WASL: variants seen among roughly 807,000 people sequenced by gnomAD.
The protein encoded by WASL is WASP like actin nucleation promoting factor, also known as actin nucleation-promoting factor WASL.
WASL carries 20 observed loss-of-function variants against 55.5 expected under a neutral mutation model. The observed-to-expected ratio is 0.36, with a 90% CI of 0.25 to 0.52. The LOEUF (loss-of-function observed/expected upper bound fraction) is 0.52. Among genes scored for constraint, WASL ranks in the 20% least tolerant of loss-of-function variants. The probability of loss-of-function intolerance (pLI) is 0.92; values close to 1 mark genes in which losing one functional copy is unlikely to be tolerated. For synonymous variants in WASL, 249 were observed against 217.6 expected (o/e 1.14, Z -1.27); for missense variants, 504 against 622.5 (o/e 0.81, Z 2.03).
At chr7:123,692,153 A>C (rs1310766282) in intron 9 of WASL, among the ~76,000 whole-genome samples, 194 bp downstream of exon 9, 2 of 152,214 alleles carry the variant, frequency 1.3e-5, no homozygotes, top group Non-Finnish European at 2.9e-5. Flanking sequence ...TTACATGGCT[A>C]TAGAGATGTA....
At chr7:123,719,319 T>C (rs1297043593) in intron 1 of WASL, among the ~76,000 whole-genome samples, 1 of 152,214 alleles carries the variant, frequency 6.6e-6, no homozygotes, top group Non-Finnish European at 1.5e-5. Flanking sequence ...ACCTCTCTCA[T>C]ATCCTGATCC....
intron 1 of WASL, among the ~76,000 whole-genome samples, chr7:123,714,944 A>C (rs1290482413): frequency 6.6e-6 from 1 of 152,174 alleles, no homozygotes; most frequent in Non-Finnish European, 1.5e-5. Flanking sequence ...ACTCATCAAA[A>C]AGACCCTACC....
chr7:123,708,258 T>C (rs186969186), intron 2 of WASL, among the ~76,000 whole-genome samples: 1 of 152,134 alleles, frequency 6.6e-6, no homozygotes, highest in Non-Finnish European at 1.5e-5. Flanking sequence ...CTCAGTGAAA[T>C]ACCTCATAAC....
chr7:123,746,412 A>G (rs1298365244), intron 1 of WASL, among the ~76,000 whole-genome samples: 1 of 152,228 alleles, frequency 6.6e-6, no homozygotes, highest in African/African-American at 2.4e-5. Flanking sequence ...TCTGACCTGT[A>G]AATCTTACTG....
intron 1 of WASL, among the ~76,000 whole-genome samples, chr7:123,713,377 T>C (rs146557279): frequency 6.6e-5 from 10 of 152,208 alleles, no homozygotes; most frequent in African/African-American, 2.4e-4. Context: ...GGTCTCAAAC[T>C]CCTGACCTCA....
chr7:123,704,713 A>G, intron 4 of WASL, 56 bp from the exon 5 acceptor site: 1 of 1,197,182 alleles, frequency 8.4e-7, no homozygotes, highest in Admixed American at 2.6e-5. Context: ...CAACATCAAC[A>G]TAAAAAAATT....
chr7:123,702,978 T>G (rs1803615251), intron 5 of WASL, among the ~76,000 whole-genome samples: 1 of 152,222 alleles, frequency 6.6e-6, no homozygotes, highest in Non-Finnish European at 1.5e-5. Flanking sequence ...TCTCTGTTGG[T>G]ACTCAATACT....
In WASL at chr7:123,695,836, T is replaced by C; in HGVS notation, c.659A>G (p.Asn220Ser). Reference protein sequence around the residue: ...QHIGHVGWDPNTGFDLNNLDP... With the variant: ...QHIGHVGWDPSTGFDLNNLDP... ...AAACATACTTACATCAAAGCCTGTA[T>C]TTGGATCCCAACCAACATGTCCAAT... Residue 220 changes from asparagine to serine, a missense_variant, in exon 7 of 11, where the codon AAT becomes AGT. Around this residue, in one of 5 missense-constraint regions of WASL, gnomAD observed 230 missense variants for 271.9 expected, o/e 0.85. Coordinates refer to ENST00000223023, the MANE Select transcript of WASL (RefSeq NM_003941.4). 6.2e-7 allele frequency: 1 copy of C among 1,612,812 alleles called. No homozygotes were observed. Among genetic ancestry groups the C allele is most frequent in the Non-Finnish European group, 8.5e-7 (1 of 1,179,134 alleles).
intron 5 of WASL, among the ~76,000 whole-genome samples, chr7:123,702,718 A>C (rs1259951826): frequency 6.6e-6 from 1 of 152,218 alleles, no homozygotes; most frequent in Non-Finnish European, 1.5e-5. Context: ...CGTATTAGGT[A>C]TTATGAGTAC....
chr7:123,716,171 G>T (rs1803836641), intron 1 of WASL, among the ~76,000 whole-genome samples: 1 of 152,074 alleles, frequency 6.6e-6, no homozygotes, highest in Non-Finnish European at 1.5e-5. Context: ...AAGTTGGAAA[G>T]GGGGTACCCT....
chr7:123,739,837 C>G (rs1804299999), intron 1 of WASL, among the ~76,000 whole-genome samples: 1 of 151,536 alleles, frequency 6.6e-6, no homozygotes, highest in Admixed American at 6.6e-5. Context: ...ATATACCTAT[C>G]TCTCCTCTCT....
At chr7:123,704,719 A>C in intron 4 of WASL, 62 bp from the exon 5 acceptor site, 2 of 1,134,056 alleles carry the variant, frequency 1.8e-6, no homozygotes, top group Non-Finnish European at 2.4e-6. Flanking sequence ...CAACATAAAA[A>C]AATTAATTCA....
Position 123,683,682 on chromosome 7 carries a change from A to T in WASL, c.*837T>A, listed in dbSNP as rs1036004547. ...TTAACCAAATATTGGAGTTACCATA[A>T]TATTACCTCAGTTCATGTAGAATGA... On this transcript the variant is annotated 3_prime_UTR_variant, in exon 11 of 11. Transcript: ENST00000223023. 6.6e-6 allele frequency: 1 copy of T among 151,966 alleles called. No homozygotes were observed. The highest frequency in any genetic ancestry group is 6.6e-5 in the Admixed American group (1 of 15,246). 9.4% of individuals were successfully genotyped at this position (151,966 alleles called of 1,614,324 possible). A position where few individuals can be genotyped will look rare whatever the true frequency, so the allele number is the denominator to read the frequency against.
intron 1 of WASL, among the ~76,000 whole-genome samples, chr7:123,734,224 T>C (rs1418213429): frequency 2.6e-5 from 4 of 152,114 alleles, no homozygotes; most frequent in African/African-American, 4.8e-5. Flanking sequence ...TAAAAATACA[T>C]GTGAAACACA....
intron 1 of WASL, among the ~76,000 whole-genome samples, chr7:123,745,966 A>C (rs1221014807): frequency 6.6e-6 from 1 of 152,160 alleles, no homozygotes; most frequent in African/African-American, 2.4e-5. Flanking sequence ...CCTTTATAAA[A>C]ATAGTTTCCA....
chr7:123,722,017 G>C (rs1803956948), intron 1 of WASL, among the ~76,000 whole-genome samples: 1 of 152,124 alleles, frequency 6.6e-6, no homozygotes, highest in Non-Finnish European at 1.5e-5. Context: ...GTGGGGGCAG[G>C]GGCAGGCGGG....
intron 10 of WASL, among the ~76,000 whole-genome samples, chr7:123,685,578 T>C (rs1397012847): frequency 6.6e-6 from 1 of 152,010 alleles, no homozygotes; most frequent in Non-Finnish European, 1.5e-5. Context: ...CCCATTTTAC[T>C]TTCCTCATAT....
At chr7:123,702,604 G>T (rs766890477) in intron 5 of WASL, among the ~76,000 whole-genome samples, 1 of 152,098 alleles carries the variant, frequency 6.6e-6, no homozygotes, top group Non-Finnish European at 1.5e-5. Flanking sequence ...AACATGTACA[G>T]AACATTCTTG....
intron 2 of WASL, among the ~76,000 whole-genome samples, chr7:123,707,593 G>T (rs1312911196): frequency 6.6e-6 from 1 of 152,136 alleles, no homozygotes; most frequent in African/African-American, 2.4e-5. Flanking sequence ...GAAATGCAAG[G>T]TTCTACCTAG....
Sources: gnomAD v4.1 joint callset for allele counts (sites outside exome capture counted in the v4.1 genomes callset) on GRCh38, gnomAD v4.1.1 for gene constraint, gnomAD v4.1.1 regional missense constraint, MANE v1.5 for transcripts, NCBI Gene and HGNC (gene_info 2026-07-23, HGNC 2026-07-21) for gene names.